Variants in NPAS3 observed in about 807,000 individuals in gnomAD.
NPAS3 encodes neuronal PAS domain protein 3.
A neutral mutation model predicts 73.1 loss-of-function variants in NPAS3; 14 were observed. That is an observed-to-expected ratio of 0.19 (90% confidence interval 0.13 to 0.30). NPAS3 has a LOEUF of 0.30. Among genes scored for constraint, NPAS3 ranks in the 10% least tolerant of loss-of-function variants. NPAS3 has a pLI of 1.00. For synonymous variants in NPAS3, 620 were observed against 541.5 expected, an observed-to-expected ratio of 1.14 and a Z score of -2.01; for missense variants, 1,096 against 1,250.0, an observed-to-expected ratio of 0.88 and a Z score of 1.86.
At chr14:33,584,367 G>A (rs2056785562) in intron 5 of NPAS3, among the ~76,000 whole-genome samples, 1 of 150,114 alleles carries the variant, frequency 6.7e-6, no homozygotes, top group East Asian at 1.9e-4. Flanking sequence ...GTAGAACAAA[G>A]TTGCTGAATG....
chr14:33,356,742 C>T lies in NPAS3; in HGVS notation c.386-10444C>T, dbSNP rs541314527. 5.9e-5 allele frequency among the ~76,000 whole-genome samples: 9 copies of T among 152,234 alleles called. No individual in the cohort carries two copies. The South Asian group carries it at 1.9e-3, about 32-fold the overall frequency. On this transcript the variant is annotated intron_variant, in intron 3 of 11. Transcript: ENST00000356141. The stretch of plus-strand genomic sequence containing the variant: ...TCTGGAATTTTTGTAATTGCATATG[C>T]AAAATTTTGTGTTTGAATATTGTCT...
chr14:33,137,688 A>C (rs1411807711), intron 2 of NPAS3, among the ~76,000 whole-genome samples: 1 of 152,186 alleles, frequency 6.6e-6, no homozygotes, highest in Admixed American at 6.5e-5. Flanking sequence ...TATAATATTT[A>C]TAATACTGTC....
intron 4 of NPAS3, among the ~76,000 whole-genome samples, chr14:33,369,404 C>CAA (rs3058296): frequency 2.6e-4 from 24 of 90,926 alleles, no homozygotes; most frequent in African/African-American, 5.7e-4. Flanking sequence ...GCCTCATTTC[C>CAA]AAAAAAAAAA....
At chr14:33,124,751 A>G (rs985066734) in intron 2 of NPAS3, among the ~76,000 whole-genome samples, 1 of 152,152 alleles carries the variant, frequency 6.6e-6, no homozygotes, top group African/African-American at 2.4e-5. Flanking sequence ...AGGGCAAGAC[A>G]CTGTCTTTTA....
intron 6 of NPAS3, among the ~76,000 whole-genome samples, chr14:33,710,899 T>C (rs760776630): frequency 1.6e-4 from 24 of 152,208 alleles, no homozygotes; most frequent in Admixed American, 1.4e-3. Flanking sequence ...TAATTTAGAT[T>C]ACCAGGTAGC....
chr14:33,005,931 C>G (rs2038986405), intron 1 of NPAS3, among the ~76,000 whole-genome samples: 1 of 152,150 alleles, frequency 6.6e-6, no homozygotes, highest in Non-Finnish European at 1.5e-5. Context: ...GAAACTCTGC[C>G]CCTAACACTT....
At chr14:33,733,218 C>G (rs2061441880) in intron 6 of NPAS3, among the ~76,000 whole-genome samples, 1 of 150,878 alleles carries the variant, frequency 6.6e-6, no homozygotes, top group Admixed American at 6.6e-5. Flanking sequence ...GTGAAAGGAA[C>G]AACAGTAGAT....
intron 2 of NPAS3, among the ~76,000 whole-genome samples, chr14:33,090,758 C>T (rs1003237126): frequency 6.6e-5 from 10 of 152,302 alleles, no homozygotes; most frequent in Non-Finnish European, 1.3e-4. Flanking sequence ...GTAAAGCACT[C>T]CTTAGCAAAT....
intron 3 of NPAS3, among the ~76,000 whole-genome samples, chr14:33,220,854 A>T (rs1043476360): frequency 5.3e-5 from 8 of 152,228 alleles, no homozygotes; most frequent in African/African-American, 1.4e-4. Flanking sequence ...ACAACGGAGC[A>T]TTCAGGATTA....
intron 5 of NPAS3, among the ~76,000 whole-genome samples, chr14:33,581,260 A>G (rs1000574272): frequency 6.6e-6 from 1 of 152,206 alleles, no homozygotes; most frequent in Non-Finnish European, 1.5e-5. Flanking sequence ...TCAGAGGCAA[A>G]AAGGGGACTT....
chr14:32,944,996 T>C (rs1308658479), intron 1 of NPAS3, among the ~76,000 whole-genome samples: 1 of 152,164 alleles, frequency 6.6e-6, no homozygotes, highest in Non-Finnish European at 1.5e-5. Flanking sequence ...CCATGGACCG[T>C]GGTTATGCGT....
chr14:33,693,312 A>G (rs1184356532), intron 6 of NPAS3, among the ~76,000 whole-genome samples: 1 of 152,156 alleles, frequency 6.6e-6, no homozygotes, highest in African/African-American at 2.4e-5. Flanking sequence ...TTTGCTTTCT[A>G]TAGTTGGGTC....
intron 8 of NPAS3, among the ~76,000 whole-genome samples, chr14:33,774,792 G>C (rs2062761636): frequency 6.6e-6 from 1 of 152,178 alleles, no homozygotes; most frequent in East Asian, 1.9e-4. Flanking sequence ...TTTTGGCTGA[G>C]AACCCAAGGA....
intron 4 of NPAS3, among the ~76,000 whole-genome samples, chr14:33,497,376 G>T (rs1360502712): frequency 4.6e-5 from 7 of 151,780 alleles, no homozygotes; most frequent in African/African-American, 1.7e-4. Context: ...GCCAAAAAAG[G>T]GCCCATATAG....
At chr14:33,254,947 T>C (rs1033561509) in intron 3 of NPAS3, among the ~76,000 whole-genome samples, 1 of 151,628 alleles carries the variant, frequency 6.6e-6, no homozygotes, top group South Asian at 2.1e-4. Flanking sequence ...TCTGGAAACA[T>C]TGGAGGAATT....
intron 5 of NPAS3, among the ~76,000 whole-genome samples, chr14:33,615,992 T>C (rs2057904111): frequency 6.6e-6 from 1 of 152,208 alleles, no homozygotes; most frequent in South Asian, 2.1e-4. Flanking sequence ...AGAAAGTCCA[T>C]TTGCCCTTTA....
chr14:33,222,347 C>T (rs1184026502), intron 3 of NPAS3, among the ~76,000 whole-genome samples: 3 of 152,192 alleles, frequency 2.0e-5, no homozygotes, highest in Non-Finnish European at 2.9e-5. Context: ...TATCTTTTTA[C>T]GCCCTTCCAG....
At position 33,090,139 on chromosome 14, in the gene NPAS3, C is replaced by T. The variant is rs144758740; in HGVS notation, c.140+34145C>T. ...CATCACAATGACAGGATCAGGTTCA[C>T]ACATAACAATATTAACCTTAAATGT... On this transcript the variant is annotated intron_variant, in intron 2 of 11. Transcript: ENST00000356141. Among the ~76,000 whole-genome samples the T allele has an allele frequency of 8.2e-3, 1,249 of 152,302 alleles. 15 individuals are homozygous for T. Among genetic ancestry groups the T allele is most frequent in the African/African-American group, 0.028 (1,157 of 41,564 alleles).
At chr14:33,023,476 A>C (rs1385650212) in intron 1 of NPAS3, among the ~76,000 whole-genome samples, 1 of 152,064 alleles carries the variant, frequency 6.6e-6, no homozygotes, top group Non-Finnish European at 1.5e-5. Flanking sequence ...ACATGTGTTG[A>C]TGCTTTCTGC....
Sources: gnomAD v4.1 joint callset for allele counts (sites outside exome capture counted in the v4.1 genomes callset) on GRCh38, gnomAD v4.1.1 for gene constraint, MANE v1.5 for transcripts, NCBI Gene and HGNC (gene_info 2026-07-23, HGNC 2026-07-21) for gene names.